The following ARHGAP28 variants were observed in gnomAD, a reference collection of about 807,000 sequenced individuals.
ARHGAP28 encodes the protein Rho GTPase activating protein 28, also known as rho GTPase-activating protein 28.
Under a neutral mutation model 90.7 loss-of-function variants are expected in ARHGAP28, and 56 were observed. The observed-to-expected ratio is 0.62, with a 90% confidence interval of 0.50 to 0.77. ARHGAP28 has a LOEUF of 0.77. ARHGAP28 is among the 30% of genes least tolerant of loss of function. ARHGAP28 has a pLI of 0.00. For missense variants in ARHGAP28, 869 were observed against 900.9 expected, an observed-to-expected ratio of 0.96 and a Z score of 0.45; for synonymous variants, 308 against 323.3, an observed-to-expected ratio of 0.95 and a Z score of 0.51.
At position 6,839,334 on chromosome 18, in the gene ARHGAP28, C is replaced by A. The variant is rs190998702; in HGVS notation, c.543+1920C>A. Among the ~76,000 whole-genome samples the A allele has an allele frequency of 4.7e-5, 7 of 149,044 alleles. No homozygotes were observed. In the East Asian group the frequency reaches 1.4e-3, roughly 29 times the overall value. ...TTTGAGACAGCGTCTCGCTCTGTCGCCCAGGCTGGAGTGCAGTGGCGCAAT... is the reference window on the plus strand; with the variant it reads ...TTTGAGACAGCGTCTCGCTCTGTCGACCAGGCTGGAGTGCAGTGGCGCAAT... On this transcript the variant is annotated intron_variant, in intron 3 of 17. Coordinates refer to ENST00000383472, the MANE Select transcript of ARHGAP28 (RefSeq NM_001366230.1).
In ARHGAP28 at chr18:6,909,037, T is replaced by C. The variant is rs2057379732; in HGVS notation, c.2095+13T>C. ...GGAGGAAATATAGGTAAGCATACTG[T>C]AATAATTTCTACTGCTAAATTCTCT... On this transcript the variant is annotated intron_variant, in intron 17 of 17. Transcript: ENST00000383472. 5.9e-6 allele frequency: 8 copies of C among 1,349,592 alleles called. No homozygotes were observed. Among genetic ancestry groups the C allele is most frequent in the Non-Finnish European group, 8.4e-6 (8 of 952,040 alleles). The allele number at this position is 1,349,592 out of a possible 1,614,324, so 83.6% of individuals were successfully genotyped here.
In ARHGAP28 at chr18:6,763,022, C is replaced by T. The variant is rs1334691201; in HGVS notation, c.122+33079C>T. 2.6e-5 allele frequency among the ~76,000 whole-genome samples: 4 copies of T among 152,080 alleles called. No individual in the cohort carries two copies. The East Asian group carries it at 7.7e-4, about 29-fold the overall frequency. Reference sequence around the variant, plus strand: ...ATAACAACACCAAAACTATACTGACCATTCACCAGGCCTTGTATCATCCCA... The same window carrying T: ...ATAACAACACCAAAACTATACTGACTATTCACCAGGCCTTGTATCATCCCA... On this transcript the variant is annotated intron_variant, in intron 1 of 17. Coordinates refer to ENST00000383472, the MANE Select transcript of ARHGAP28 (RefSeq NM_001366230.1).
chr18:6,762,467 A>G lies in ARHGAP28; in HGVS notation c.122+32524A>G, dbSNP rs547331037. Among the ~76,000 whole-genome samples, 8 of 152,308 alleles carry G rather than the reference A, an allele frequency of 5.3e-5. No homozygotes were observed. The South Asian group carries it at 1.4e-3, about 28-fold the overall frequency. Reference sequence around the variant, plus strand: ...GTAATTTCATTCAGTTTCCCCTTCAACATGCTACGCATCCTCTTTCAATTC... The same window carrying G: ...GTAATTTCATTCAGTTTCCCCTTCAGCATGCTACGCATCCTCTTTCAATTC... On this transcript the variant is annotated intron_variant, in intron 1 of 17. Coordinates refer to ENST00000383472, the MANE Select transcript of ARHGAP28 (RefSeq NM_001366230.1).
intron 1 of ARHGAP28, among the ~76,000 whole-genome samples, chr18:6,783,528 T>C (rs368669986): frequency 6.6e-4 from 94 of 141,622 alleles, no homozygotes; most frequent in South Asian, 3.7e-3. Context: ...CTTGAACTCC[T>C]GACCTCAGGT....
chr18:6,867,315 G>T (rs1248753061), intron 5 of ARHGAP28, among the ~76,000 whole-genome samples: 1 of 152,126 alleles, frequency 6.6e-6, no homozygotes, highest in Non-Finnish European at 1.5e-5. Flanking sequence ...AATAAAAAAA[G>T]AAATCAGGCT....
intron 1 of ARHGAP28, among the ~76,000 whole-genome samples, chr18:6,754,989 T>C (rs1370917348): frequency 2.0e-5 from 3 of 151,908 alleles, no homozygotes; most frequent in Non-Finnish European, 4.4e-5. Context: ...CTACCAAAAA[T>C]ACAAAAAAAT....
chr18:6,878,605 G>A lies in ARHGAP28; in HGVS notation c.1290+2397G>A, dbSNP rs547346687. On this transcript the variant is annotated intron_variant, in intron 10 of 17. Coordinates refer to ENST00000383472, the MANE Select transcript of ARHGAP28 (RefSeq NM_001366230.1). ...GAAAAATGCTTCTCAAAGGCTAATC[G>A]TTCCTTCAGAAAGTTATTATAGGCA... Among the ~76,000 whole-genome samples, 8 of 152,208 alleles carry A rather than the reference G, an allele frequency of 5.3e-5. No homozygotes were observed. In the East Asian group the frequency reaches 9.6e-4, roughly 18 times the overall value.
chr18:6,777,328 GGAGGGGGGTGAGCTTTGGACAA>G (rs2056291914), intron 1 of ARHGAP28, among the ~76,000 whole-genome samples: 1 of 152,208 alleles, frequency 6.6e-6, no homozygotes, highest in African/African-American at 2.4e-5. Context: ...ATTACAGTTA[GGAGGGGGGTGAGCTTTGGACAA>G]GATGGGTTTC....
chr18:6,777,598 G>T (rs577598538), intron 1 of ARHGAP28, among the ~76,000 whole-genome samples: 1 of 152,048 alleles, frequency 6.6e-6, no homozygotes, highest in African/African-American at 2.4e-5. Flanking sequence ...GGTGGCATTC[G>T]CCTGTAGTTC....
rs577244801 is a variant in ARHGAP28 at position 6,817,338 on chromosome 18, AAAAAC to A, written c.123-7411_123-7407del. Reference sequence around the variant, plus strand: ...CATTCCAAAAACAAACAAACAAAAAAAAAACAAAACAAAACAAGAAGAGAGAATTG... The same window carrying A: ...CATTCCAAAAACAAACAAACAAAAAAAAAACAAAACAAGAAGAGAGAATTG... On this transcript the variant is annotated intron_variant, in intron 1 of 17. Transcript: ENST00000383472. Among the ~76,000 whole-genome samples, 128 of 151,948 alleles carry A rather than the reference AAAAAC, an allele frequency of 8.4e-4. 1 individual carries two copies. The highest frequency in any genetic ancestry group is 2.0e-3 in the Admixed American group (31 of 15,262).
Position 6,729,779 on chromosome 18 carries a change from G to C in ARHGAP28, c.-43G>C. ...CGGCGCGCCGGTCCATGCTGGTCCC[G>C]GTCTTTGTTCTGGGGCCGGCGCCGA... is the stretch of plus-strand genomic sequence containing the variant. On this transcript the variant is annotated 5_prime_UTR_variant, in exon 1 of 18. Transcript: ENST00000383472. The C allele has an allele frequency of 7.4e-7, 1 of 1,352,688 alleles. No homozygotes were observed. Among genetic ancestry groups the C allele is most frequent in the Non-Finnish European group, 9.5e-7 (1 of 1,055,408 alleles). 83.8% of individuals were successfully genotyped at this position (1,352,688 alleles called of 1,614,324 possible).
At chr18:6,907,810 G>A (rs1011282849) in intron 16 of ARHGAP28, among the ~76,000 whole-genome samples, 5 of 152,096 alleles carry the variant, frequency 3.3e-5, no homozygotes, top group African/African-American at 4.8e-5. Context: ...GAGAGAAATC[G>A]GTGTAGGGTG....
At chr18:6,731,516 G>A (rs1204562818) in intron 1 of ARHGAP28, among the ~76,000 whole-genome samples, 1 of 152,164 alleles carries the variant, frequency 6.6e-6, no homozygotes, top group East Asian at 1.9e-4. Context: ...GATAATACAT[G>A]AGAGCAAGCG....
intron 3 of ARHGAP28, among the ~76,000 whole-genome samples, chr18:6,843,874 T>A (rs1043214610): frequency 2.0e-4 from 31 of 152,210 alleles, no homozygotes; most frequent in African/African-American, 7.2e-4. Flanking sequence ...AGTTTTTCAA[T>A]GGAGTTTTTA....
chr18:6,771,159 C>T (rs917578619), intron 1 of ARHGAP28, among the ~76,000 whole-genome samples: 4 of 152,064 alleles, frequency 2.6e-5, no homozygotes, highest in Non-Finnish European at 5.9e-5. Flanking sequence ...GCCCCAGCCT[C>T]CTGGATAGCT....
chr18:6,731,282 ATATG>A (rs1477839523), intron 1 of ARHGAP28, among the ~76,000 whole-genome samples: 1 of 135,934 alleles, frequency 7.4e-6, no homozygotes, highest in Non-Finnish European at 1.7e-5. Flanking sequence ...ATAAATATAT[ATATG>A]TGTGCGTGTG....
chr18:6,873,834 T>G, intron 9 of ARHGAP28, 59 bp downstream of exon 9: 1 of 1,373,010 alleles, frequency 7.3e-7, no homozygotes, highest in East Asian at 2.4e-5. Context: ...GATTTGGCAC[T>G]TTGTAAACCC....
chr18:6,839,596 CA>C (rs2056788140), intron 3 of ARHGAP28, among the ~76,000 whole-genome samples: 1 of 152,216 alleles, frequency 6.6e-6, no homozygotes, highest in Non-Finnish European at 1.5e-5. Flanking sequence ...TGCGCCCGGC[CA>C]TAATTTTTTT....
chr18:6,729,762 C>T lies in ARHGAP28; in HGVS notation c.-60C>T, dbSNP rs2055858412. On this transcript the variant is annotated 5_prime_UTR_variant, in exon 1 of 18. Coordinates refer to ENST00000383472, the MANE Select transcript of ARHGAP28 (RefSeq NM_001366230.1). ...AGCTGCTGACAGCCTCCCGGCGCGCCGGTCCATGCTGGTCCCGGTCTTTGT... is the reference window on the plus strand; with the variant it reads ...AGCTGCTGACAGCCTCCCGGCGCGCTGGTCCATGCTGGTCCCGGTCTTTGT... The T allele has an allele frequency of 7.7e-7, 1 of 1,294,734 alleles. No homozygotes were observed. Among genetic ancestry groups the T allele is most frequent in the South Asian group, 2.3e-5 (1 of 44,306 alleles). The allele number at this position is 1,294,734 out of a possible 1,614,324, so 80.2% of individuals were successfully genotyped here.
Sources: allele counts gnomAD v4.1 joint callset (sites outside exome capture counted in the v4.1 genomes callset), GRCh38; gene constraint gnomAD v4.1.1; transcripts MANE v1.5; gene names NCBI Gene and HGNC (gene_info 2026-07-23, HGNC 2026-07-21).